The following SNX8 variants were observed in gnomAD, a reference collection of about 807,000 sequenced individuals.
The protein encoded by SNX8 is sorting nexin-8.
A neutral mutation model predicts 51.6 loss-of-function variants in SNX8; 25 were observed. The observed-to-expected ratio is 0.48, with a 90% CI of 0.35 to 0.68. SNX8 has a LOEUF of 0.68. SNX8 is among the 30% of genes least tolerant of loss of function. The pLI is 0.00. For missense variants in SNX8, 695 were observed against 624.0 expected (o/e 1.11, Z -1.21); for synonymous variants, 324 against 277.0 (o/e 1.17, Z -1.68).
In SNX8 at chr7:2,278,668, G is replaced by A. The variant is rs943563830; in HGVS notation, c.95-363C>T. Among the ~76,000 whole-genome samples, 20 of 127,164 alleles carry A rather than the reference G, an allele frequency of 1.6e-4. 1 individual carries two copies. Among genetic ancestry groups the A allele is most frequent in the Non-Finnish European group, 2.8e-4 (17 of 61,724 alleles). 83.4% of individuals were successfully genotyped at this position (127,164 alleles called of 152,430 possible). ...GCCGGACTCACACTACGGAGTCGAC[G>A]CCGGACTCACTCACACTACGGAGTC... On this transcript the variant is annotated intron_variant, in intron 1 of 10. Coordinates refer to ENST00000222990, the MANE Select transcript of SNX8 (RefSeq NM_013321.4).
At chr7:2,287,000 G>A (rs1160315896) in intron 1 of SNX8, among the ~76,000 whole-genome samples, 4 of 151,546 alleles carry the variant, frequency 2.6e-5, no homozygotes, top group African/African-American at 4.8e-5. Flanking sequence ...TTAGCCAGGC[G>A]TGGTGGTGGG....
chr7:2,270,663 C>T (rs1795622767), intron 4 of SNX8, among the ~76,000 whole-genome samples: 1 of 152,134 alleles, frequency 6.6e-6, no homozygotes, highest in African/African-American at 2.4e-5. Context: ...AGGTTTCCAA[C>T]CCCAGGGCTC....
chr7:2,261,288 C>G lies in SNX8; in HGVS notation c.915+1942G>C, dbSNP rs188548391. 5.2e-3 allele frequency among the ~76,000 whole-genome samples: 797 copies of G among 152,264 alleles called. 6 individuals carry two copies. Among genetic ancestry groups the G allele is most frequent in the African/African-American group, 0.018 (751 of 41,552 alleles). ...TCTCTACTAAAAATACAAAAATTAG[C>G]CGGGTGTGGTGGTGCACACCTGTAA... On this transcript the variant is annotated intron_variant, in intron 7 of 10. Transcript: ENST00000222990.
At chr7:2,335,632 C>A (rs1429661586) in intron 1 of SNX8, among the ~76,000 whole-genome samples, 2 of 151,666 alleles carry the variant, frequency 1.3e-5, no homozygotes, top group African/African-American at 2.4e-5. Context: ...GAAACCCCGT[C>A]TCTACTAAAA....
intron 1 of SNX8, among the ~76,000 whole-genome samples, chr7:2,345,174 C>G (rs1046496597): frequency 1.3e-5 from 2 of 151,954 alleles, no homozygotes; most frequent in South Asian, 4.1e-4. Context: ...ATTTATAACA[C>G]TGAAAAAAAC....
chr7:2,349,883 C>T (rs1294245490), intron 1 of SNX8, among the ~76,000 whole-genome samples: 1 of 152,104 alleles, frequency 6.6e-6, no homozygotes, highest in Admixed American at 6.6e-5. Context: ...TGTCCACAAA[C>T]CCACCCAGGC....
chr7:2,289,397 G>A (rs1367769951), intron 1 of SNX8, among the ~76,000 whole-genome samples: 1 of 152,136 alleles, frequency 6.6e-6, no homozygotes, highest in Non-Finnish European at 1.5e-5. Context: ...TTTCCAAAGT[G>A]ACTGAGCCAA....
chr7:2,258,190 CT>C (rs1309708429), intron 7 of SNX8, among the ~76,000 whole-genome samples: 1 of 150,578 alleles, frequency 6.6e-6, no homozygotes, highest in Non-Finnish European at 1.5e-5. Flanking sequence ...TTTTGTATTT[CT>C]TTTTTTAGTA....
intron 1 of SNX8, among the ~76,000 whole-genome samples, chr7:2,353,469 A>G (rs1779212069): frequency 6.6e-6 from 1 of 151,864 alleles, no homozygotes; most frequent in African/African-American, 2.4e-5. Flanking sequence ...TTTTTCGAAG[A>G]CAGGGTCTCG....
rs555844545 is a variant in SNX8 at position 2,290,630 on chromosome 7, G to T, written c.95-12325C>A. On this transcript the variant is annotated intron_variant, in intron 1 of 10. Coordinates refer to ENST00000222990, the MANE Select transcript of SNX8 (RefSeq NM_013321.4). ...AAGAAAGCCATATAACTTAATTTGG[G>T]GCCAGGAGGGTGGCCGAGGCAGGGC... is the stretch of plus-strand genomic sequence containing the variant. Among the ~76,000 whole-genome samples, 9 of 152,240 alleles carry T rather than the reference G, an allele frequency of 5.9e-5. No homozygotes were observed. The South Asian group carries it at 1.9e-3, about 32-fold the overall frequency.
chr7:2,353,299 C>T (rs369339936), intron 1 of SNX8, among the ~76,000 whole-genome samples: 111 of 152,164 alleles, frequency 7.3e-4, no homozygotes, highest in African/African-American at 2.5e-3. Flanking sequence ...TGGGAGGATT[C>T]TCTTGAGGCT....
chr7:2,265,596 G>T (rs980909282), intron 5 of SNX8, among the ~76,000 whole-genome samples: 24 of 152,102 alleles, frequency 1.6e-4, no homozygotes, highest in Admixed American at 7.2e-4. Context: ...AAGGAGCCAT[G>T]ATCACAACAC....
At chr7:2,334,199 C>T (rs992077450) in intron 1 of SNX8, among the ~76,000 whole-genome samples, 54 of 152,008 alleles carry the variant, frequency 3.6e-4, no homozygotes, top group African/African-American at 1.2e-3. Context: ...GTCAGCAGAT[C>T]GAGACCATCT....
intron 1 of SNX8, among the ~76,000 whole-genome samples, chr7:2,336,750 T>C (rs1330295474): frequency 1.3e-5 from 2 of 151,992 alleles, no homozygotes; most frequent in East Asian, 3.9e-4. Flanking sequence ...CTCACCCCTG[T>C]TATCCCAGCT....
chr7:2,301,453 C>T (rs2115185059), intron 1 of SNX8, among the ~76,000 whole-genome samples: 1 of 152,350 alleles, frequency 6.6e-6, no homozygotes. Context: ...TTTATTGAAG[C>T]AGCAGCACGC....
chr7:2,320,520 A>G (rs1481961107), intron 1 of SNX8, among the ~76,000 whole-genome samples: 1 of 152,178 alleles, frequency 6.6e-6, no homozygotes, highest in Non-Finnish European at 1.5e-5. Context: ...CAGGAGTTCA[A>G]GACCAGCCTG....
At chr7:2,269,733 T>A (rs1795598209) in intron 4 of SNX8, 94 bp from the exon 5 acceptor site, 1 of 725,796 alleles carries the variant, frequency 1.4e-6, no homozygotes. Flanking sequence ...AGGTCGTCTT[T>A]CCTCAGGAGA....
rs144726486 is a variant in SNX8, at chr7:2,263,321, G to A, written c.824C>T (p.Ala275Val). ...GGACCCCCACGTGCTGCTATTCAGA[G>A]CGGCCCAGGAGGGCAGCGGGGTCGT... ...SDTTPLPSWAALNSSTWGSLK... is the reference protein window; with the variant it reads ...SDTTPLPSWAVLNSSTWGSLK... The change falls in exon 7 of 11, where the codon GCT becomes GTT. Residue 275 changes from alanine to valine, a missense_variant. By Grantham distance (64) the Ala-to-Val change is moderately conservative. Transcript: ENST00000222990. 5.6e-6 allele frequency: 9 copies of A among 1,613,284 alleles called. No homozygotes were observed. The South Asian group carries it at 9.9e-5, about 18-fold the overall frequency.
chr7:2,327,659 G>A (rs1444453132), intron 1 of SNX8, among the ~76,000 whole-genome samples: 3 of 151,058 alleles, frequency 2.0e-5, no homozygotes, highest in African/African-American at 2.4e-5. Flanking sequence ...CGCCCGCCTC[G>A]GCCTCCCAAA....
Sources: gnomAD v4.1 joint callset for allele counts (sites outside exome capture counted in the v4.1 genomes callset) on GRCh38, gnomAD v4.1.1 for gene constraint, MANE v1.5 for transcripts, NCBI Gene and HGNC (gene_info 2026-07-23, HGNC 2026-07-21) for gene names.